The following TMEM132B variants were observed in gnomAD, a reference collection of about 807,000 sequenced individuals.
TMEM132B encodes the protein transmembrane protein 132B.
Under a neutral mutation model 90.8 loss-of-function variants are expected in TMEM132B, and 18 were observed. The observed-to-expected ratio is 0.20, with a 90% confidence interval of 0.14 to 0.29. The LOEUF is 0.29. Among genes scored for constraint, TMEM132B ranks in the 10% least tolerant of loss-of-function variants. The pLI is 1.00. For synonymous variants in TMEM132B, 504 were observed against 523.3 expected, an observed-to-expected ratio of 0.96 and a Z score of 0.50; for missense variants, 1,096 against 1,326.8, an observed-to-expected ratio of 0.83 and a Z score of 2.70.
At chr12:125,489,396 G>T (rs1566051689) in intron 3 of TMEM132B, among the ~76,000 whole-genome samples, 2 of 151,426 alleles carry the variant, frequency 1.3e-5, no homozygotes, top group African/African-American at 2.4e-5. Context: ...ATTTATTTTA[G>T]TTTTTTTTAA....
intron 3 of TMEM132B, among the ~76,000 whole-genome samples, chr12:125,433,824 G>A (rs12827482): frequency 0.1 from 15,510 of 151,894 alleles, 925 homozygotes; most frequent in Middle Eastern, 0.2. Flanking sequence ...TTCTGCCTAC[G>A]CCGAAGCCTT....
chr12:125,575,083 T>TATATATATATATATA (rs61155232), intron 4 of TMEM132B, among the ~76,000 whole-genome samples: 184 of 114,494 alleles, frequency 1.6e-3, no homozygotes, highest in Middle Eastern at 4.5e-3. Context: ...TATATATATA[T>TATATATATATATATA]TCAGGAGTAG....
intron 3 of TMEM132B, among the ~76,000 whole-genome samples, chr12:125,449,376 T>C (rs1017422331): frequency 1.3e-5 from 2 of 152,248 alleles, no homozygotes; most frequent in African/African-American, 2.4e-5. Flanking sequence ...TTGCATGAAA[T>C]TGCTTATAAC....
rs1241310405 is a variant in TMEM132B, at chr12:125,655,397, C to T, written c.*687C>T. On this transcript the variant is annotated 3_prime_UTR_variant, in exon 9 of 9. Coordinates refer to ENST00000682704, the MANE Select transcript of TMEM132B (RefSeq NM_001366854.1). ...GCACTTCATCATCTAGGGATGGTATCCAAGAAGCTTATTCTCACTTTGTTT... is the reference window on the plus strand; with the variant it reads ...GCACTTCATCATCTAGGGATGGTATTCAAGAAGCTTATTCTCACTTTGTTT... 1 of 152,184 alleles carries T rather than the reference C, an allele frequency of 6.6e-6. No individual in the cohort carries two copies. The highest frequency in any genetic ancestry group is 1.5e-5 in the Non-Finnish European group (1 of 68,048). 9.4% of individuals were successfully genotyped at this position (152,184 alleles called of 1,614,324 possible).
chr12:125,418,568 G>A (rs948157291), intron 3 of TMEM132B, among the ~76,000 whole-genome samples: 1 of 152,106 alleles, frequency 6.6e-6, no homozygotes, highest in African/African-American at 2.4e-5. Flanking sequence ...CAGGCTCGTG[G>A]ACCGTGCTTG....
At chr12:125,641,022 G>C (rs899574211) in intron 5 of TMEM132B, among the ~76,000 whole-genome samples, 1 of 152,010 alleles carries the variant, frequency 6.6e-6, no homozygotes, top group African/African-American at 2.4e-5. Context: ...TAGGTGACTT[G>C]TCTGAGGCTG....
intron 3 of TMEM132B, among the ~76,000 whole-genome samples, chr12:125,434,847 G>A (rs886800992): frequency 2.6e-5 from 4 of 152,128 alleles, no homozygotes; most frequent in Non-Finnish European, 5.9e-5. Flanking sequence ...TGTTTCTTGC[G>A]CACACTGGTC....
intron 5 of TMEM132B, among the ~76,000 whole-genome samples, chr12:125,614,397 A>C (rs562041807): frequency 1.2e-4 from 19 of 152,268 alleles, no homozygotes; most frequent in Non-Finnish European, 2.5e-4. Context: ...TAATTTGCTT[A>C]GGATTATGGC....
At chr12:125,596,227 A>G (rs1885436937) in intron 5 of TMEM132B, among the ~76,000 whole-genome samples, 1 of 152,186 alleles carries the variant, frequency 6.6e-6, no homozygotes, top group Admixed American at 6.5e-5. Flanking sequence ...AGAAGTTCAC[A>G]CTGCCTTTTG....
intron 3 of TMEM132B, among the ~76,000 whole-genome samples, chr12:125,501,789 CTG>C (rs2136600137): frequency 6.6e-6 from 1 of 152,258 alleles, no homozygotes; most frequent in East Asian, 1.9e-4. Flanking sequence ...GACTCTCAGT[CTG>C]GAAAGCATGA....
chr12:125,495,109 T>C (rs1592955150), intron 3 of TMEM132B, among the ~76,000 whole-genome samples: 1 of 69,500 alleles, frequency 1.4e-5, no homozygotes. Flanking sequence ...GCATCTCTCC[T>C]CCCCCTCCTC....
chr12:125,394,963 A>T (rs186650184), intron 2 of TMEM132B, among the ~76,000 whole-genome samples: 62 of 152,346 alleles, frequency 4.1e-4, no homozygotes, highest in Non-Finnish European at 7.8e-4. Context: ...AGTGATGGGC[A>T]CACTAGAAGC....
chr12:125,551,699 G>A (rs1884234357), intron 4 of TMEM132B, among the ~76,000 whole-genome samples: 1 of 151,214 alleles, frequency 6.6e-6, no homozygotes, highest in African/African-American at 2.4e-5. Flanking sequence ...ATATCCTCAA[G>A]TTCAGTGGCT....
intron 1 of TMEM132B, among the ~76,000 whole-genome samples, chr12:125,317,451 G>C (rs1876312236): frequency 6.6e-6 from 1 of 152,158 alleles, no homozygotes; most frequent in Admixed American, 6.5e-5. Context: ...GGCAGAACTG[G>C]GAAGTGGGGG....
chr12:125,348,497 G>A (rs1313862644), intron 1 of TMEM132B, among the ~76,000 whole-genome samples: 1 of 106,736 alleles, frequency 9.4e-6, no homozygotes, highest in Non-Finnish European at 1.8e-5. Flanking sequence ...GATAATTTTT[G>A]TGTTTTTTTT....
chr12:125,312,241 T>C (rs573173613), intron 1 of TMEM132B, among the ~76,000 whole-genome samples: 37 of 152,358 alleles, frequency 2.4e-4, no homozygotes, highest in Admixed American at 1.3e-4. Flanking sequence ...TTTCAACCCA[T>C]TGAGTCATTA....
intron 2 of TMEM132B, among the ~76,000 whole-genome samples, chr12:125,383,121 G>A (rs193015014): frequency 5.3e-4 from 81 of 152,208 alleles, no homozygotes; most frequent in Non-Finnish European, 8.7e-4. Flanking sequence ...TGAACTGGAC[G>A]GTGAGACGGC....
At chr12:125,193,965 CA>C (rs1247722630) in intron 1 of TMEM132B, among the ~76,000 whole-genome samples, 2 of 152,210 alleles carry the variant, frequency 1.3e-5, no homozygotes, top group African/African-American at 4.8e-5. Flanking sequence ...TCTTCCCATT[CA>C]GGGCAGAATG....
At chr12:125,328,646 A>G (rs1365010127) in intron 1 of TMEM132B, among the ~76,000 whole-genome samples, 1 of 152,116 alleles carries the variant, frequency 6.6e-6, no homozygotes, top group Non-Finnish European at 1.5e-5. Context: ...TTCTGCTTCT[A>G]AGGTCACCAG....
Sources: allele counts gnomAD v4.1 joint callset (sites outside exome capture counted in the v4.1 genomes callset), GRCh38; gene constraint gnomAD v4.1.1; transcripts MANE v1.5; gene names NCBI Gene and HGNC (gene_info 2026-07-23, HGNC 2026-07-21).